RBPJ: variants seen among roughly 807,000 people sequenced by gnomAD.
RBPJ encodes the protein recombining binding protein suppressor of hairless.
Under a neutral mutation model 67.8 loss-of-function variants are expected in RBPJ, and 9 were observed. The ratio of observed to expected loss-of-function variants is 0.13; its 90% confidence interval spans 0.08 to 0.23. RBPJ has a LOEUF of 0.23. Among genes scored for constraint, RBPJ ranks in the 10% least tolerant of loss-of-function variants. The pLI is 1.00. For missense variants in RBPJ, 305 were observed against 595.6 expected, an observed-to-expected ratio of 0.51 and a Z score of 5.08; for synonymous variants, 198 against 203.3, an observed-to-expected ratio of 0.97 and a Z score of 0.22.
the RBPJ span, among the ~76,000 whole-genome samples, chr4:26,106,714 A>C: frequency 4.6e-5 from 7 of 152,184 alleles, no homozygotes; most frequent in South Asian, 6.2e-4. Flanking sequence ...GTAATTTGGT[A>C]AGTCACTGAA....
At chr4:26,131,885 A>G in the RBPJ span, among the ~76,000 whole-genome samples, 143,533 of 152,248 alleles carry the variant, frequency 0.94, 68,029 homozygotes, top group Non-Finnish European at 0.99. Context: ...TCCCCTCACC[A>G]CCACTGGTGG....
intron 3 of RBPJ, among the ~76,000 whole-genome samples, chr4:26,413,608 G>A (rs1179542817): frequency 2.0e-5 from 3 of 152,152 alleles, no homozygotes; most frequent in Non-Finnish European, 4.4e-5. Context: ...TAAGTCATAT[G>A]TAAATTGCCT....
intron 1 of RBPJ, chr4:26,321,458 CCG>C (rs1723055521): frequency 6.6e-6 from 1 of 152,060 alleles, no homozygotes; most frequent in Non-Finnish European, 1.5e-5. Context: ...TCACCGCTAC[CCG>C]CTGCGACTCT....
At chr4:26,392,440 C>T (rs1258791068) in intron 2 of RBPJ, among the ~76,000 whole-genome samples, 3 of 152,122 alleles carry the variant, frequency 2.0e-5, no homozygotes, top group Non-Finnish European at 4.4e-5. Context: ...AGTGGATCAA[C>T]AAATTGTAGT....
At position 26,225,896 on chromosome 4, in the gene RBPJ, C is replaced by T. The variant is rs58784952; in HGVS notation, c.-167+62282C>T. On this transcript the variant is annotated intron_variant, in intron 1 of 4. Coordinates refer to the RBPJ transcript ENST00000512351. Reference sequence around the variant, plus strand: ...GGCATGGTGGCTCATGCCTGTAATCCCAGCACTTTGGGACGCTGAGGTGGA... The same window carrying T: ...GGCATGGTGGCTCATGCCTGTAATCTCAGCACTTTGGGACGCTGAGGTGGA... Among the ~76,000 whole-genome samples the T allele has an allele frequency of 8.0e-3, 1,215 of 152,044 alleles. 31 individuals are homozygous for T. The highest frequency in any genetic ancestry group is 0.029 in the Admixed American group (436 of 15,252).
At chr4:26,387,138 C>T (rs908612245) in intron 2 of RBPJ, among the ~76,000 whole-genome samples, 5 of 152,098 alleles carry the variant, frequency 3.3e-5, no homozygotes, top group Non-Finnish European at 7.4e-5. Context: ...CTTAATGGCT[C>T]CATGGTTTTT....
At chr4:26,320,638 G>C, upstream of RBPJ, 1 of 1,250,422 alleles carries the variant, frequency 8.0e-7, no homozygotes, top group Non-Finnish European at 1.1e-6. Context: ...CCTTCTCCTC[G>C]GCCCCGCCTC....
chr4:26,108,138 C>T, the RBPJ span, among the ~76,000 whole-genome samples: 1 of 152,140 alleles, frequency 6.6e-6, no homozygotes, highest in African/African-American at 2.4e-5. Flanking sequence ...TTTTCTGCCA[C>T]TAGCTCTTAA....
At chr4:26,385,736 A>G (rs1415497626) in intron 1 of RBPJ, among the ~76,000 whole-genome samples, 1 of 151,712 alleles carries the variant, frequency 6.6e-6, no homozygotes, top group Non-Finnish European at 1.5e-5. Context: ...AATGAAGCCT[A>G]TGTATACCCA....
chr4:26,128,946 A>T, the RBPJ span, among the ~76,000 whole-genome samples: 1 of 152,184 alleles, frequency 6.6e-6, no homozygotes, highest in African/African-American at 2.4e-5. Context: ...CCATGATTGT[A>T]AGGCCTCCCC....
At chr4:26,157,017 G>A in the RBPJ span, among the ~76,000 whole-genome samples, 2 of 150,920 alleles carry the variant, frequency 1.3e-5, no homozygotes, top group Non-Finnish European at 3.0e-5. Flanking sequence ...CTGAGGCTGT[G>A]GTGTGCCAGG....
At chr4:26,343,747 T>C (rs989462408) in intron 1 of RBPJ, among the ~76,000 whole-genome samples, 1 of 131,520 alleles carries the variant, frequency 7.6e-6, no homozygotes, top group Non-Finnish European at 1.6e-5. Flanking sequence ...TTCTTTTTTT[T>C]TTTTTTTTTT....
At chr4:26,174,124 G>A (rs1716711297) in intron 1 of RBPJ, among the ~76,000 whole-genome samples, 1 of 152,260 alleles carries the variant, frequency 6.6e-6, no homozygotes, top group Admixed American at 6.5e-5. Context: ...GGCAAGCCGT[G>A]GTATCAACAC....
In RBPJ at chr4:26,169,122, G is replaced by C. The variant is rs992245135; in HGVS notation, c.-167+5508G>C. On this transcript the variant is annotated intron_variant, in intron 1 of 4. Transcript: ENST00000512351. Reference sequence around the variant, plus strand: ...TGTTATGTTGCTGGTGAGGAACTGCGTTCCTTTGGAGAAGGAGAGGTGCTC... The same window carrying C: ...TGTTATGTTGCTGGTGAGGAACTGCCTTCCTTTGGAGAAGGAGAGGTGCTC... 5.3e-5 allele frequency among the ~76,000 whole-genome samples: 8 copies of C among 152,176 alleles called. No individual in the cohort carries two copies. In the East Asian group the frequency reaches 1.5e-3, roughly 29 times the overall value.
At chr4:26,377,068 T>A (rs1290943476) in intron 1 of RBPJ, among the ~76,000 whole-genome samples, 1 of 152,232 alleles carries the variant, frequency 6.6e-6, no homozygotes, top group Non-Finnish European at 1.5e-5. Flanking sequence ...AATATATACT[T>A]GTTTTGAAGG....
chr4:26,128,123 T>C, the RBPJ span, among the ~76,000 whole-genome samples: 1 of 152,208 alleles, frequency 6.6e-6, no homozygotes, highest in African/African-American at 2.4e-5. Flanking sequence ...CCTCCTCATA[T>C]AGGTGAGGCT....
At chr4:26,317,651 C>T (rs531320664), upstream of RBPJ, among the ~76,000 whole-genome samples, 2 of 152,222 alleles carry the variant, frequency 1.3e-5, no homozygotes, top group South Asian at 2.1e-4. Flanking sequence ...TTAGACTAGG[C>T]TAGTAGCTAA....
chr4:26,182,096 A>C lies in RBPJ; in HGVS notation c.-167+18482A>C, dbSNP rs1353720067. ...GGTGGCTCACGCCTGTAATCCCAGCACTTTGGGAGGCCGAGGCAGCCGGAT... is the reference window on the plus strand; with the variant it reads ...GGTGGCTCACGCCTGTAATCCCAGCCCTTTGGGAGGCCGAGGCAGCCGGAT... On this transcript the variant is annotated intron_variant, in intron 1 of 4. Transcript: ENST00000512351. 3.3e-5 allele frequency among the ~76,000 whole-genome samples: 5 copies of C among 152,354 alleles called. No homozygotes were observed. In the South Asian group the frequency reaches 6.2e-4, roughly 19 times the overall value.
At chr4:26,378,579 T>C (rs925391447) in intron 1 of RBPJ, among the ~76,000 whole-genome samples, 3 of 152,148 alleles carry the variant, frequency 2.0e-5, no homozygotes, top group African/African-American at 7.2e-5. Flanking sequence ...ATGCTGAGGG[T>C]GGCTGCAGTT....
Sources: allele counts gnomAD v4.1 joint callset (sites outside exome capture counted in the v4.1 genomes callset), GRCh38; gene constraint gnomAD v4.1.1; transcripts MANE v1.5; gene names NCBI Gene and HGNC (gene_info 2026-07-23, HGNC 2026-07-21).